Variants in RIN2 observed in about 807,000 individuals in gnomAD.
The protein encoded by RIN2 is RAB5 interacting protein 2.
In RIN2, 36 loss-of-function variants were observed where a neutral mutation model predicts 78.0. That is an observed-to-expected ratio of 0.46 (90% confidence interval 0.35 to 0.61). The LOEUF (loss-of-function observed/expected upper bound fraction) is 0.61, where lower values mean the gene tolerates loss of function less well. Among genes scored for constraint, RIN2 ranks in the 20% least tolerant of loss-of-function variants. The pLI is 0.00. For synonymous variants in RIN2, 466 were observed against 466.8 expected (o/e 1.00, Z 0.02); for missense variants, 1,087 against 1,159.7 (o/e 0.94, Z 0.91).
chr20:19,962,419 A>G (rs1460484073), intron 6 of RIN2, among the ~76,000 whole-genome samples: 2 of 152,182 alleles, frequency 1.3e-5, no homozygotes, highest in East Asian at 3.9e-4. Context: ...GTCGGAAGCC[A>G]CTTCCTCTCC....
At chr20:19,866,798 T>G (rs2123327272) in intron 2 of RIN2, among the ~76,000 whole-genome samples, 1 of 152,160 alleles carries the variant, frequency 6.6e-6, no homozygotes, top group South Asian at 2.1e-4. Flanking sequence ...ATAATTATTG[T>G]ATTTTTAGTA....
chr20:19,875,734 A>C (rs566608664), intron 2 of RIN2, among the ~76,000 whole-genome samples: 1 of 152,222 alleles, frequency 6.6e-6, no homozygotes, highest in African/African-American at 2.4e-5. Flanking sequence ...TGATGCAGAC[A>C]TTTAAATCAC....
rs558202000 is a variant in RIN2 at position 19,922,109 on chromosome 20, A to G, written c.58-12990A>G. 6.6e-5 allele frequency among the ~76,000 whole-genome samples: 10 copies of G among 152,230 alleles called. 1 individual carries two copies. In the East Asian group the frequency reaches 1.9e-3, roughly 30 times the overall value. On this transcript the variant is annotated intron_variant, in intron 3 of 12. Transcript: ENST00000255006. ...TTGAACTCCTGACCTCAAGTGATCT[A>G]TTCGCCTCGGCCTCCCAAACTGCTA...
At chr20:19,905,552 A>G (rs2039181467) in intron 3 of RIN2, among the ~76,000 whole-genome samples, 2 of 152,082 alleles carry the variant, frequency 1.3e-5, no homozygotes. Flanking sequence ...GTGAGACCCC[A>G]TCTCTATTTA....
Position 19,844,633 on chromosome 20 carries a change from CTTCTTCTTCTTCTT to C in RIN2, c.-37+44887_-37+44900del, listed in dbSNP as rs1568807293. Among the ~76,000 whole-genome samples the C allele has an allele frequency of 3.7e-3, 488 of 130,624 alleles. 12 individuals are homozygous for C. Among genetic ancestry groups the C allele is most frequent in the Middle Eastern group, 0.011 (3 of 268 alleles). 85.7% of individuals were successfully genotyped at this position (130,624 alleles called of 152,430 possible). A position where few individuals can be genotyped will look rare whatever the true frequency, so the allele number is the denominator to read the frequency against. On this transcript the variant is annotated intron_variant, in intron 2 of 12. Coordinates refer to ENST00000255006, the MANE Select transcript of RIN2 (RefSeq NM_018993.4). ...TCTTCTTCTTCTTCTTCTTCTTCTTCTTCTTCTTCTTCTTCTTCTTCTTCTTCTTCTTCTTCCTT... is the reference window on the plus strand; with the variant it reads ...TCTTCTTCTTCTTCTTCTTCTTCTTCCTTCTTCTTCTTCTTCTTCTTCCTT...
chr20:19,899,696 C>T (rs1028040364), intron 3 of RIN2, among the ~76,000 whole-genome samples: 1 of 152,174 alleles, frequency 6.6e-6, no homozygotes, highest in East Asian at 1.9e-4. Context: ...GTTCTCTTCA[C>T]AGGGGTGGCC....
At chr20:19,859,471 G>C (rs6081775) in intron 2 of RIN2, among the ~76,000 whole-genome samples, 41,371 of 152,090 alleles carry the variant, frequency 0.27, 6,973 homozygotes, top group African/African-American at 0.49. Context: ...CCATTTCTTT[G>C]GCTCTTCCTT....
intron 2 of RIN2, among the ~76,000 whole-genome samples, chr20:19,820,721 C>G (rs890862247): frequency 6.6e-6 from 1 of 152,170 alleles, no homozygotes; most frequent in Admixed American, 6.5e-5. Context: ...ACTTTCCCAT[C>G]TGAGTCCCCT....
At chr20:19,780,647 T>C (rs971520519) in intron 1 of RIN2, among the ~76,000 whole-genome samples, 2 of 152,174 alleles carry the variant, frequency 1.3e-5, no homozygotes, top group African/African-American at 2.4e-5. Context: ...GGTGGGACAG[T>C]GTGGTGAATA....
chr20:19,790,773 C>T (rs1354731764), intron 1 of RIN2, among the ~76,000 whole-genome samples: 1 of 152,136 alleles, frequency 6.6e-6, no homozygotes, highest in African/African-American at 2.4e-5. Context: ...TTCCTTAGTT[C>T]AGGTCTCTCT....
intron 11 of RIN2, among the ~76,000 whole-genome samples, chr20:19,995,773 T>G (rs1007311030): frequency 2.0e-5 from 3 of 152,188 alleles, no homozygotes; most frequent in Non-Finnish European, 4.4e-5. Flanking sequence ...AGTGTATAGT[T>G]TACTTAAGAT....
intron 3 of RIN2, among the ~76,000 whole-genome samples, chr20:19,900,554 C>T (rs6035472): frequency 0.13 from 19,433 of 151,200 alleles, 1,731 homozygotes; most frequent in African/African-American, 0.25. Context: ...TTTGGGAGGT[C>T]GAGGTGGGAG....
At chr20:19,955,975 G>A (rs1364379815) in intron 4 of RIN2, among the ~76,000 whole-genome samples, 2 of 152,024 alleles carry the variant, frequency 1.3e-5, no homozygotes, top group Non-Finnish European at 2.9e-5. Flanking sequence ...GTTTTATATT[G>A]GCCAGGCAGG....
intron 3 of RIN2, among the ~76,000 whole-genome samples, chr20:19,920,013 G>T (rs917207392): frequency 1.3e-5 from 2 of 152,130 alleles, no homozygotes; most frequent in Non-Finnish European, 2.9e-5. Flanking sequence ...CGTCATCCCA[G>T]GCCGGGCGCA....
chr20:19,969,607 C>T (rs764652581), intron 7 of RIN2, among the ~76,000 whole-genome samples: 34 of 152,128 alleles, frequency 2.2e-4, no homozygotes, highest in Non-Finnish European at 4.6e-4. Flanking sequence ...TATTGTCTAT[C>T]GGTATCCCCT....
At chr20:19,847,227 G>T (rs932673529) in intron 2 of RIN2, among the ~76,000 whole-genome samples, 2 of 152,066 alleles carry the variant, frequency 1.3e-5, no homozygotes, top group African/African-American at 4.8e-5. Flanking sequence ...TTTAGCATTT[G>T]TTTGCAGTTT....
intron 2 of RIN2, among the ~76,000 whole-genome samples, chr20:19,864,810 C>G (rs761437753): frequency 6.6e-6 from 1 of 152,212 alleles, no homozygotes; most frequent in Non-Finnish European, 1.5e-5. Context: ...GTCAAACCAT[C>G]ATCTTTGGAG....
chr20:19,934,281 A>G (rs981602448), intron 3 of RIN2, among the ~76,000 whole-genome samples: 4 of 88,042 alleles, frequency 4.5e-5, no homozygotes, highest in Admixed American at 1.0e-4. Flanking sequence ...GAAAATTACT[A>G]TGTTTTCAAA....
intron 4 of RIN2, among the ~76,000 whole-genome samples, chr20:19,941,784 A>G (rs564913232): frequency 1.3e-5 from 2 of 152,260 alleles, no homozygotes; most frequent in South Asian, 2.1e-4. Flanking sequence ...TCTTCGCTAC[A>G]CTATCACCAA....
Sources: gnomAD v4.1 joint callset for allele counts (sites outside exome capture counted in the v4.1 genomes callset) on GRCh38, gnomAD v4.1.1 for gene constraint, MANE v1.5 for transcripts, NCBI Gene and HGNC (gene_info 2026-07-23, HGNC 2026-07-21) for gene names.